Variants in CEP63 observed in about 807,000 individuals in gnomAD.
CEP63 encodes the protein centrosomal protein of 63 kDa.
In CEP63, 84 loss-of-function variants were observed where a neutral mutation model predicts 89.1. The observed-to-expected ratio is 0.94, with a 90% CI of 0.79 to 1.13. CEP63 has a LOEUF of 1.13. CEP63 is among the 50% of genes most tolerant of loss of function. CEP63 has a pLI of 0.00. For missense variants in CEP63, 838 were observed against 813.3 expected (o/e 1.03, Z -0.37); for synonymous variants, 267 against 272.5 (o/e 0.98, Z 0.20).
chr3:134,629,538 T>C, the CEP63 span: 1 of 1,035,440 alleles, frequency 9.7e-7, no homozygotes, highest in South Asian at 1.4e-5. Flanking sequence ...CCTCAGAAGA[T>C]GCTTGGGCTG....
chr3:134,610,597 A>G, the CEP63 span: 1 of 524,320 alleles, frequency 1.9e-6, no homozygotes, highest in South Asian at 2.7e-5. Context: ...TCCTGTTGGT[A>G]CAGACTGGCT....
chr3:134,552,729 T>C (rs891556067), intron 12 of CEP63: 6 of 152,186 alleles, frequency 3.9e-5, no homozygotes, highest in African/African-American at 1.4e-4. Flanking sequence ...ATAATTTAAT[T>C]TTAATTTTAT....
chr3:134,639,790 GA>G, the CEP63 span: 101 of 135,416 alleles, frequency 7.5e-4, no homozygotes, highest in Admixed American at 7.4e-4. Flanking sequence ...TACAAAAAAC[GA>G]AAAAAAAAAA....
chr3:134,612,206 A>G, the CEP63 span, among the ~76,000 whole-genome samples: 95,418 of 152,038 alleles, frequency 0.63, 30,411 homozygotes, highest in East Asian at 0.87. Context: ...GGAATCCCAT[A>G]AGAACATACC....
the CEP63 span, among the ~76,000 whole-genome samples, chr3:134,668,683 T>G: frequency 0.4 from 60,944 of 152,082 alleles, 13,951 homozygotes; most frequent in Non-Finnish European, 0.53. Context: ...ATAAAATCAC[T>G]TATATTTTTT....
chr3:134,705,528 G>A, the CEP63 span, among the ~76,000 whole-genome samples: 3 of 152,222 alleles, frequency 2.0e-5, no homozygotes, highest in African/African-American at 7.2e-5. Context: ...TTCAATATGA[G>A]TTTTGGTGGG....
the CEP63 span, among the ~76,000 whole-genome samples, chr3:134,653,652 T>G: frequency 6.6e-6 from 1 of 152,150 alleles, no homozygotes; most frequent in Non-Finnish European, 1.5e-5. Context: ...TTTGGATGTA[T>G]CAGGAAAGGG....
At chr3:134,695,839 T>C in the CEP63 span, among the ~76,000 whole-genome samples, 2 of 152,182 alleles carry the variant, frequency 1.3e-5, no homozygotes, top group African/African-American at 4.8e-5. Flanking sequence ...ATAGCTATGG[T>C]TCAAAGTGCT....
chr3:134,749,081 G>A, the CEP63 span, among the ~76,000 whole-genome samples: 1 of 152,202 alleles, frequency 6.6e-6, no homozygotes, highest in Non-Finnish European at 1.5e-5. Context: ...AGGTCCCAGA[G>A]GTCCTGCAGG....
intron 1 of CEP63, among the ~76,000 whole-genome samples, chr3:134,495,070 T>C (rs1176840910): frequency 6.6e-6 from 1 of 152,116 alleles, no homozygotes; most frequent in Non-Finnish European, 1.5e-5. Flanking sequence ...ACGGAGAGAG[T>C]GTCAACCGCA....
the CEP63 span, among the ~76,000 whole-genome samples, chr3:134,681,653 G>A: frequency 1.3e-5 from 2 of 152,184 alleles, no homozygotes; most frequent in Non-Finnish European, 2.9e-5. Context: ...CCATTCCTGC[G>A]GAGGCATGGG....
downstream of CEP63, chr3:134,565,170 T>C (rs1353285847): frequency 4.7e-5 from 8 of 170,374 alleles, no homozygotes; most frequent in Non-Finnish European, 9.4e-5. Context: ...ATCTCATTCT[T>C]CTTGTCCTGG....
downstream of CEP63, among the ~76,000 whole-genome samples, chr3:134,590,115 T>A (rs1189825792): frequency 6.6e-6 from 1 of 151,986 alleles, no homozygotes; most frequent in Non-Finnish European, 1.5e-5. Flanking sequence ...AGGGTGAGGA[T>A]CGAAACACCT....
intron 12 of CEP63, among the ~76,000 whole-genome samples, chr3:134,556,759 G>C (rs7374325): frequency 0.67 from 101,398 of 151,998 alleles, 34,212 homozygotes; most frequent in East Asian, 0.82. Context: ...TCTTTCTTTA[G>C]ACAGCTAGAT....
chr3:134,650,677 G>T, the CEP63 span: 1 of 733,460 alleles, frequency 1.4e-6, no homozygotes, highest in Non-Finnish European at 2.1e-6. Flanking sequence ...CGGTGCCACT[G>T]CGGGGAAGCG....
the CEP63 span, among the ~76,000 whole-genome samples, chr3:134,641,860 G>T: frequency 6.6e-6 from 1 of 152,182 alleles, no homozygotes. Flanking sequence ...AAGGACAGGG[G>T]CCTTTGTCTG....
At chr3:134,554,802 T>A (rs1169878940) in intron 12 of CEP63, among the ~76,000 whole-genome samples, 1 of 152,184 alleles carries the variant, frequency 6.6e-6, no homozygotes, top group Non-Finnish European at 1.5e-5. Context: ...GGTATCTCAT[T>A]GTGGTTTTGA....
chr3:134,633,703 G>A, the CEP63 span, among the ~76,000 whole-genome samples: 1 of 152,122 alleles, frequency 6.6e-6, no homozygotes, highest in Non-Finnish European at 1.5e-5. Flanking sequence ...ACAAGTCATA[G>A]ATATCCACTC....
At chr3:134,720,139 C>A in the CEP63 span, among the ~76,000 whole-genome samples, 1 of 152,004 alleles carries the variant, frequency 6.6e-6, no homozygotes, top group African/African-American at 2.4e-5. Flanking sequence ...AATTGTCTGT[C>A]TTTTAATTAT....
Sources: allele counts gnomAD v4.1 joint callset (sites outside exome capture counted in the v4.1 genomes callset), GRCh38; gene constraint gnomAD v4.1.1; transcripts MANE v1.5; gene names NCBI Gene and HGNC (gene_info 2026-07-23, HGNC 2026-07-21).